The following FRMPD4 variants were observed in gnomAD, a reference collection of about 807,000 sequenced individuals.
FRMPD4 encodes FERM and PDZ domain-containing protein 4.
In FRMPD4, 22 loss-of-function variants were observed where a neutral mutation model predicts 94.1. That is an observed-to-expected ratio of 0.23 (90% CI 0.17 to 0.33). FRMPD4 has a LOEUF of 0.33. Among genes scored for constraint, FRMPD4 ranks in the 10% least tolerant of loss-of-function variants. The pLI, the probability that FRMPD4 is intolerant of heterozygous loss-of-function variation, is 1.00. For synonymous variants in FRMPD4, 631 were observed against 548.6 expected, an observed-to-expected ratio of 1.15 and a Z score of -2.10; for missense variants, 1,111 against 1,339.9, an observed-to-expected ratio of 0.83 and a Z score of 2.67.
intron 1 of FRMPD4, among the ~76,000 whole-genome samples, chrX:12,490,733 CTCTG>C (rs1400844521): frequency 5.4e-5 from 6 of 111,844 alleles, no homozygotes; most frequent in African/African-American, 1.6e-4. Flanking sequence ...TCAAATGCAG[CTCTG>C]TCTGAATCTA....
intron 1 of FRMPD4, among the ~76,000 whole-genome samples, chrX:12,270,124 G>A (rs2054332732): frequency 8.9e-6 from 1 of 111,796 alleles, no homozygotes; most frequent in Non-Finnish European, 1.9e-5. Context: ...TGTATGTAAT[G>A]TCATCTACTG....
At chrX:12,092,655 T>G (rs773534364) in intron 3 of FRMPD4, among the ~76,000 whole-genome samples, 1 of 111,677 alleles carries the variant, frequency 9.0e-6, no homozygotes, top group Non-Finnish European at 1.9e-5. Context: ...GAGGCTCATG[T>G]GCCAAACCTC....
At chrX:12,588,438 T>C (rs2058952732) in intron 2 of FRMPD4, among the ~76,000 whole-genome samples, 1 of 112,513 alleles carries the variant, frequency 8.9e-6, no homozygotes, top group Non-Finnish European at 1.9e-5. Flanking sequence ...CTGGTCCATG[T>C]CTGTGAAGAT....
chrX:12,004,691 C>A (rs1170260087), intron 3 of FRMPD4, among the ~76,000 whole-genome samples: 2 of 98,934 alleles, frequency 2.0e-5, no homozygotes, highest in Non-Finnish European at 4.1e-5. Context: ...GTCTGCTGAC[C>A]TTTTTTTTTT....
chrX:11,875,910 CTG>C (rs1375597295), intron 2 of FRMPD4, among the ~76,000 whole-genome samples: 1 of 85,466 alleles, frequency 1.2e-5, no homozygotes, highest in Non-Finnish European at 2.2e-5. Flanking sequence ...GAGTCTCGCT[CTG>C]TCGCCCAGGC....
At position 12,152,522 on chromosome X, in the gene FRMPD4, G is replaced by A. The variant is rs368738197; in HGVS notation, c.41+13510G>A. Among the ~76,000 whole-genome samples the A allele has an allele frequency of 6.2e-4, 69 of 110,909 alleles. 1 individual carries two copies. The highest frequency in any genetic ancestry group is 2.1e-3 in the African/African-American group (64 of 30,570). On this transcript the variant is annotated intron_variant, in intron 1 of 16. Transcript: ENST00000675598. Reference sequence around the variant, plus strand: ...TATTTAGACAACAGAAAGAAGTTTGGGTAAATATGATTTCCTAAAATGTGA... The same window carrying A: ...TATTTAGACAACAGAAAGAAGTTTGAGTAAATATGATTTCCTAAAATGTGA...
At chrX:12,353,397 C>G (rs1041686390) in intron 1 of FRMPD4, among the ~76,000 whole-genome samples, 3 of 111,881 alleles carry the variant, frequency 2.7e-5, no homozygotes, top group African/African-American at 9.8e-5. Flanking sequence ...TATTACCCAC[C>G]TACTAAACAT....
intron 2 of FRMPD4, among the ~76,000 whole-genome samples, chrX:12,602,726 A>G (rs1156589457): frequency 2.7e-5 from 3 of 111,730 alleles, no homozygotes; most frequent in African/African-American, 9.8e-5. Flanking sequence ...GCTCTGCTAT[A>G]CTTAGCTTCT....
chrX:12,166,416 G>A (rs2056119387), intron 1 of FRMPD4, among the ~76,000 whole-genome samples: 1 of 111,379 alleles, frequency 9.0e-6, no homozygotes, highest in Middle Eastern at 4.2e-3. Flanking sequence ...TGATCATGGT[G>A]GATAAGCTTT....
chrX:12,147,468 C>A (rs1389572148), intron 1 of FRMPD4, among the ~76,000 whole-genome samples: 1 of 112,505 alleles, frequency 8.9e-6, no homozygotes, highest in African/African-American at 3.2e-5. Flanking sequence ...TGGACCAGCA[C>A]CATCAGGCAA....
chrX:12,186,974 T>A (rs374114499), intron 1 of FRMPD4, among the ~76,000 whole-genome samples: 1 of 112,467 alleles, frequency 8.9e-6, no homozygotes, highest in Non-Finnish European at 1.9e-5. Context: ...TTTGAGGACA[T>A]CTGGAAAATC....
At chrX:12,423,372 C>A (rs751394009) in intron 1 of FRMPD4, among the ~76,000 whole-genome samples, 44 of 111,444 alleles carry the variant, frequency 3.9e-4, no homozygotes, top group Non-Finnish European at 7.9e-4. Context: ...AAAACTTGAC[C>A]CTAAATCGTA....
rs913131653 is a variant in FRMPD4 at position 12,275,767 on chromosome X, A to T, written c.41+136755A>T. Among the ~76,000 whole-genome samples, 13 of 110,850 alleles carry T rather than the reference A, an allele frequency of 1.2e-4. No individual in the cohort carries two copies. In the Admixed American group the frequency reaches 1.2e-3, roughly 11 times the overall value. ...CTGTTGAGTGGGTAATGGAGATTCC[A>T]TGAAGAATTTTGAGTTGGGAGTGAC... On this transcript the variant is annotated intron_variant, in intron 1 of 16. Coordinates refer to ENST00000675598, the MANE Select transcript of FRMPD4 (RefSeq NM_001368397.1).
At chrX:12,502,941 T>C (rs2057939994) in intron 2 of FRMPD4, among the ~76,000 whole-genome samples, 1 of 111,955 alleles carries the variant, frequency 8.9e-6, no homozygotes, top group African/African-American at 3.2e-5. Flanking sequence ...GTGTTCTGGT[T>C]TGGATAACAC....
chrX:11,824,201 T>C (rs1473135662), intron 1 of FRMPD4, among the ~76,000 whole-genome samples: 1 of 110,923 alleles, frequency 9.0e-6, no homozygotes, highest in Admixed American at 9.6e-5. Flanking sequence ...GGGGAAGACT[T>C]GGGAAAGAGT....
At position 12,669,547 on chromosome X, in the gene FRMPD4, C is replaced by A. The variant is rs755549489; in HGVS notation, c.423-5316C>A. The stretch of plus-strand genomic sequence containing the variant: ...ACTAGGTAACTGATAAAGCTAATGT[C>A]TATGGTCGGCAGAATAATGATCGCC... On this transcript the variant is annotated intron_variant, in intron 4 of 16. Transcript: ENST00000675598. 1.2e-4 allele frequency among the ~76,000 whole-genome samples: 13 copies of A among 112,199 alleles called. No individual in the cohort carries two copies. The South Asian group carries it at 4.8e-3, about 42-fold the overall frequency.
At chrX:12,537,881 G>A (rs1200127669) in intron 2 of FRMPD4, among the ~76,000 whole-genome samples, 2 of 111,435 alleles carry the variant, frequency 1.8e-5, no homozygotes, top group African/African-American at 6.5e-5. Flanking sequence ...GTGAAAAGGT[G>A]GTTCCAAGAT....
intron 1 of FRMPD4, among the ~76,000 whole-genome samples, chrX:12,333,122 C>T (rs970551540): frequency 8.9e-6 from 1 of 111,742 alleles, no homozygotes; most frequent in Non-Finnish European, 1.9e-5. Flanking sequence ...TAAAGATAAA[C>T]ATCTGTTTGC....
intron 2 of FRMPD4, among the ~76,000 whole-genome samples, chrX:12,576,702 T>C (rs2058815005): frequency 8.9e-6 from 1 of 112,794 alleles, no homozygotes; most frequent in Admixed American, 9.3e-5. Flanking sequence ...GGTATTCGGA[T>C]GGGGCTCTTT....
Sources: gnomAD v4.1 joint callset for allele counts (sites outside exome capture counted in the v4.1 genomes callset) on GRCh38, gnomAD v4.1.1 for gene constraint, MANE v1.5 for transcripts, NCBI Gene and HGNC (gene_info 2026-07-23, HGNC 2026-07-21) for gene names.